The following CCBE1 variants were observed in gnomAD, a reference collection of about 807,000 sequenced individuals.
CCBE1 encodes collagen and calcium-binding EGF domain-containing protein 1.
CCBE1 carries 37 observed loss-of-function variants against 50.0 expected under a neutral mutation model. The observed-to-expected ratio is 0.74, with a 90% CI of 0.57 to 0.97. The LOEUF (loss-of-function observed/expected upper bound fraction) is 0.97. Among genes scored for constraint, CCBE1 ranks in the 50% least tolerant of loss-of-function variants. The pLI, the probability that CCBE1 is intolerant of heterozygous loss-of-function variation, is 0.00. For synonymous variants in CCBE1, 234 were observed against 203.7 expected (o/e 1.15, Z -1.27); for missense variants, 538 against 523.8 (o/e 1.03, Z -0.26).
chr18:59,604,567 G>C (rs1339017437), intron 2 of CCBE1, among the ~76,000 whole-genome samples: 1 of 152,196 alleles, frequency 6.6e-6, no homozygotes, highest in Non-Finnish European at 1.5e-5. Flanking sequence ...ACAGTCACCT[G>C]TATTTAAAAG....
chr18:59,604,827 A>G (rs1333408661), intron 2 of CCBE1, among the ~76,000 whole-genome samples: 1 of 152,218 alleles, frequency 6.6e-6, no homozygotes, highest in Non-Finnish European at 1.5e-5. Context: ...TAATAAACAA[A>G]TGCCAAGTCT....
intron 2 of CCBE1, among the ~76,000 whole-genome samples, chr18:59,580,039 GA>G (rs2053058992): frequency 1.3e-5 from 2 of 152,192 alleles, no homozygotes; most frequent in Admixed American, 1.3e-4. Context: ...GTGAAAGCCA[GA>G]GAGGGAAAAG....
At chr18:59,628,621 G>A (rs967449952) in intron 2 of CCBE1, among the ~76,000 whole-genome samples, 23 of 152,254 alleles carry the variant, frequency 1.5e-4, no homozygotes, top group Non-Finnish European at 1.5e-4. Context: ...GATAGAACAC[G>A]TTCCAAAACC....
intron 2 of CCBE1, among the ~76,000 whole-genome samples, chr18:59,605,332 A>G (rs1008251464): frequency 1.3e-5 from 2 of 152,208 alleles, no homozygotes; most frequent in Non-Finnish European, 2.9e-5. Flanking sequence ...AGCGATAACA[A>G]GAGGAAGATG....
intron 2 of CCBE1, among the ~76,000 whole-genome samples, chr18:59,480,683 TAAC>T (rs770878861): frequency 6.6e-6 from 1 of 151,966 alleles, no homozygotes; most frequent in South Asian, 2.1e-4. Flanking sequence ...AATTGTAATA[TAAC>T]AATAATTAGG....
chr18:59,437,999 G>T, intron 10 of CCBE1, 112 bp downstream of exon 10: 1 of 920,744 alleles, frequency 1.1e-6, no homozygotes, highest in Non-Finnish European at 1.8e-6. Context: ...CAGGTGGGCT[G>T]AGTGGCATCA....
chr18:59,507,333 G>T lies in CCBE1; in HGVS notation c.213-27095C>A, dbSNP rs143866976. On this transcript the variant is annotated intron_variant, in intron 2 of 10. Transcript: ENST00000439986. ...CTACAACTGCCACTACCTGTGTCGA[G>T]GTCACATCCCATCCATGCCCAGAAT... 2.0e-5 allele frequency among the ~76,000 whole-genome samples: 3 copies of T among 152,240 alleles called. No homozygotes were observed. In the East Asian group the frequency reaches 5.8e-4, roughly 29 times the overall value.
intron 2 of CCBE1, among the ~76,000 whole-genome samples, chr18:59,534,167 ACT>A (rs34405239): frequency 0.013 from 1,936 of 152,248 alleles, 30 homozygotes; most frequent in Non-Finnish European, 0.019. Flanking sequence ...TGAATGTTTG[ACT>A]CTATCTTAGA....
At chr18:59,692,485 A>G (rs916009344) in intron 2 of CCBE1, among the ~76,000 whole-genome samples, 6 of 151,714 alleles carry the variant, frequency 4.0e-5, no homozygotes, top group Non-Finnish European at 7.4e-5. Context: ...ATCGAAGCCC[A>G]CTCCCCCGCC....
chr18:59,583,494 G>A (rs1449527812), intron 2 of CCBE1, among the ~76,000 whole-genome samples: 1 of 152,172 alleles, frequency 6.6e-6, no homozygotes, highest in Non-Finnish European at 1.5e-5. Flanking sequence ...AGCAAGATGA[G>A]AATGTGTTGC....
chr18:59,617,779 A>G (rs2053656318), intron 2 of CCBE1, among the ~76,000 whole-genome samples: 1 of 152,176 alleles, frequency 6.6e-6, no homozygotes, highest in Non-Finnish European at 1.5e-5. Flanking sequence ...TGACTCTGGG[A>G]TTACTAAAGC....
At chr18:59,689,514 G>A (rs2054701639) in intron 2 of CCBE1, among the ~76,000 whole-genome samples, 1 of 152,200 alleles carries the variant, frequency 6.6e-6, no homozygotes, top group South Asian at 2.1e-4. Context: ...GATTAAGTGT[G>A]TAGGCATCAC....
chr18:59,507,181 C>T (rs1019845830), intron 2 of CCBE1, among the ~76,000 whole-genome samples: 2 of 152,202 alleles, frequency 1.3e-5, no homozygotes, highest in African/African-American at 4.8e-5. Context: ...AAACCAACAT[C>T]CTCCTTGCAA....
intron 2 of CCBE1, among the ~76,000 whole-genome samples, chr18:59,499,143 C>G (rs1184017315): frequency 2.0e-5 from 3 of 152,120 alleles, no homozygotes; most frequent in African/African-American, 4.8e-5. Flanking sequence ...AACAGTCAAG[C>G]AAGAGCCCAC....
chr18:59,575,935 C>A (rs2052988650), intron 2 of CCBE1, among the ~76,000 whole-genome samples: 2 of 152,250 alleles, frequency 1.3e-5, no homozygotes, highest in South Asian at 4.1e-4. Flanking sequence ...CCTAATCCCA[C>A]ATGTCCCTTT....
At chr18:59,624,474 A>T (rs2053753193) in intron 2 of CCBE1, among the ~76,000 whole-genome samples, 1 of 152,244 alleles carries the variant, frequency 6.6e-6, no homozygotes, top group African/African-American at 2.4e-5. Context: ...AACTACCAAG[A>T]TCTGGTGAAC....
At chr18:59,503,137 T>C (rs1352076047) in intron 2 of CCBE1, among the ~76,000 whole-genome samples, 1 of 152,162 alleles carries the variant, frequency 6.6e-6, no homozygotes, top group Non-Finnish European at 1.5e-5. Context: ...CACTGTGACA[T>C]GAGGACAGCT....
chr18:59,676,614 C>A (rs754099052), intron 2 of CCBE1, among the ~76,000 whole-genome samples: 8 of 152,090 alleles, frequency 5.3e-5, no homozygotes, highest in Non-Finnish European at 1.5e-5. Flanking sequence ...CATCAGGAAC[C>A]GTACTGGACA....
At chr18:59,573,348 G>A (rs2052946797) in intron 2 of CCBE1, among the ~76,000 whole-genome samples, 1 of 142,754 alleles carries the variant, frequency 7.0e-6, no homozygotes, top group African/African-American at 2.6e-5. Flanking sequence ...GACCTTAAGA[G>A]CAAACACTGA....
Sources: gnomAD v4.1 joint callset for allele counts (sites outside exome capture counted in the v4.1 genomes callset) on GRCh38, gnomAD v4.1.1 for gene constraint, MANE v1.5 for transcripts, NCBI Gene and HGNC (gene_info 2026-07-23, HGNC 2026-07-21) for gene names.